Variants in ZDHHC13 observed in about 807,000 individuals in gnomAD.
The protein encoded by ZDHHC13 is zDHHC palmitoyltransferase 13, also known as palmitoyltransferase ZDHHC13.
ZDHHC13 carries 85 observed loss-of-function variants against 86.0 expected under a neutral mutation model. That is an observed-to-expected ratio of 0.99 (90% CI 0.83 to 1.18). The LOEUF is 1.18. ZDHHC13 is among the 50% of genes most tolerant of loss of function. The pLI is 0.00. For missense variants in ZDHHC13, 711 were observed against 730.2 expected, an observed-to-expected ratio of 0.97 and a Z score of 0.30; for synonymous variants, 263 against 246.4, an observed-to-expected ratio of 1.07 and a Z score of -0.63.
At chr11:19,143,295 G>C (rs1020296755) in intron 2 of ZDHHC13, among the ~76,000 whole-genome samples, 172 bp downstream of exon 2, 1 of 152,186 alleles carries the variant, frequency 6.6e-6, no homozygotes, top group African/African-American at 2.4e-5. Context: ...CAGTGTACCT[G>C]AGCTGTTTAT....
upstream of ZDHHC13, chr11:19,117,116 A>G (rs1848659823): frequency 8.4e-6 from 8 of 952,540 alleles, no homozygotes; most frequent in Admixed American, 2.1e-5. This position sits in a 1 kb window ranked among gnomAD's most constrained non-coding sequence, Gnocchi z 4.2. Context: ...GGCTCAGGGC[A>G]CGAGCGGGGA....
chr11:19,152,700 GTCTTTTC>G lies in ZDHHC13; in HGVS notation c.873+18_873+24del. 6.2e-7 allele frequency: 1 copy of G among 1,612,366 alleles called. No homozygotes were observed. On this transcript the variant is annotated intron_variant, in intron 8 of 16. Transcript: ENST00000446113. The stretch of plus-strand genomic sequence containing the variant: ...GAAATGCGAGGTATTTTCATATGGG[GTCTTTTC>G]TATGGGATAGATGACTTTTTTTGTT...
At chr11:19,151,787 A>G (rs528703721) in intron 6 of ZDHHC13, among the ~76,000 whole-genome samples, 1 of 152,216 alleles carries the variant, frequency 6.6e-6, no homozygotes, top group Admixed American at 6.5e-5. Flanking sequence ...CTCAACTAAG[A>G]CATACATTTA....
intron 1 of ZDHHC13, among the ~76,000 whole-genome samples, chr11:19,124,004 G>A (rs908762285): frequency 6.6e-6 from 1 of 152,124 alleles, no homozygotes; most frequent in Admixed American, 6.6e-5. Flanking sequence ...TGTTTAAAAT[G>A]CACGTTTTTT....
At chr11:19,139,010 T>G (rs866252398) in intron 1 of ZDHHC13, among the ~76,000 whole-genome samples, 1,971 of 151,076 alleles carry the variant, frequency 0.013, 49 homozygotes, top group African/African-American at 0.046. Flanking sequence ...GCACAAGACA[T>G]GGATGCCCTC....
chr11:19,119,248 C>A (rs972620063), intron 1 of ZDHHC13, among the ~76,000 whole-genome samples: 3 of 152,122 alleles, frequency 2.0e-5, no homozygotes, highest in Non-Finnish European at 4.4e-5. Flanking sequence ...GTAGCTGGAA[C>A]TATAGGTGCG....
intron 5 of ZDHHC13, among the ~76,000 whole-genome samples, chr11:19,149,557 T>G (rs1006600488): frequency 6.6e-6 from 1 of 152,238 alleles, no homozygotes; most frequent in Non-Finnish European, 1.5e-5. Flanking sequence ...TTTCTGAAAC[T>G]TGTAAGCTGG....
chr11:19,130,397 A>T (rs986203920), intron 1 of ZDHHC13, among the ~76,000 whole-genome samples: 1 of 151,970 alleles, frequency 6.6e-6, no homozygotes, highest in Non-Finnish European at 1.5e-5. Context: ...TTTTGGAGTG[A>T]TGTCTCTTTT....
intron 1 of ZDHHC13, among the ~76,000 whole-genome samples, chr11:19,141,675 C>CTTTTT (rs34963467): frequency 7.1e-6 from 1 of 140,376 alleles, no homozygotes; most frequent in Non-Finnish European, 1.5e-5. Context: ...TTTTTGTGGG[C>CTTTTT]TTTTTTTTTT....
At chr11:19,123,177 C>T (rs11604471) in intron 1 of ZDHHC13, among the ~76,000 whole-genome samples, 92,616 of 152,020 alleles carry the variant, frequency 0.61, 29,249 homozygotes, top group Admixed American at 0.7. Context: ...CAAATATTCT[C>T]AATTGTGGAT....
chr11:19,152,117 T>C, intron 6 of ZDHHC13, 41 bp from the exon 7 acceptor site: 1 of 1,590,936 alleles, frequency 6.3e-7, no homozygotes, highest in Non-Finnish European at 8.6e-7. Context: ...TAAGTCATCA[T>C]CTCTGTTAAT....
Position 19,117,370 on chromosome 11 carries a change from G to A in ZDHHC13, c.27+94G>A. The A allele has an allele frequency of 5.5e-6, 7 of 1,279,542 alleles. No homozygotes were observed. The highest frequency in any genetic ancestry group is 7.2e-6 in the Non-Finnish European group (7 of 976,830). The allele number at this position is 1,279,542 out of a possible 1,614,324, so 79.3% of individuals were successfully genotyped here. A position where few individuals can be genotyped will look rare whatever the true frequency, so the allele number is the denominator to read the frequency against. ...GTGTGGGTGAGAGGCCGCTCGATGAGGGGGTTTCGGGAGCGGCGGGGCCTA... is the reference window on the plus strand; with the variant it reads ...GTGTGGGTGAGAGGCCGCTCGATGAAGGGGTTTCGGGAGCGGCGGGGCCTA... On this transcript the variant is annotated intron_variant, in intron 1 of 16. Transcript: ENST00000446113. The surrounding 1 kb of genome is among the most constrained non-coding windows in gnomAD (Gnocchi z 4.2).
Position 19,165,033 on chromosome 11 carries a change from C to G in ZDHHC13, c.1297-19C>G. The stretch of plus-strand genomic sequence containing the variant: ...GAGACACTGGTTTTTGCTTAGGCCT[C>G]TCTTAATTGCCCACTTAGATAAGGA... On this transcript the variant is annotated intron_variant, in intron 12 of 16. Transcript: ENST00000446113. 1.2e-6 allele frequency: 2 copies of G among 1,607,956 alleles called. No individual in the cohort carries two copies. Among genetic ancestry groups the G allele is most frequent in the Admixed American group, 1.7e-5 (1 of 59,250 alleles).
chr11:19,120,723 C>G (rs956671383), intron 1 of ZDHHC13, among the ~76,000 whole-genome samples: 1 of 152,186 alleles, frequency 6.6e-6, no homozygotes, highest in African/African-American at 2.4e-5. Flanking sequence ...CTACATATTT[C>G]TTTCTTGGTA....
chr11:19,118,679 A>G (rs1208163005), intron 1 of ZDHHC13: 2 of 152,226 alleles, frequency 1.3e-5, no homozygotes, highest in Admixed American at 6.5e-5. Context: ...AAAGGTAGAG[A>G]GATCATTGTC....
intron 1 of ZDHHC13, among the ~76,000 whole-genome samples, chr11:19,141,821 T>TG (rs966277019): frequency 4.6e-4 from 70 of 152,178 alleles, no homozygotes; most frequent in Non-Finnish European, 8.8e-4. Flanking sequence ...GCTTGCCATG[T>TG]GCTGCTGCTT....
chr11:19,160,395 G>A (rs944953977), intron 10 of ZDHHC13, among the ~76,000 whole-genome samples: 13 of 151,676 alleles, frequency 8.6e-5, no homozygotes, highest in Non-Finnish European at 1.6e-4. Flanking sequence ...TATTATGATA[G>A]AAAAATACAT....
At position 19,140,809 on chromosome 11, in the gene ZDHHC13, T is replaced by C. The variant is rs569147365; in HGVS notation, c.28-2169T>C. ...GAAATCATCATTCTCAGTAAACTAT[T>C]GCAAGAACAAAAAACCAAACACTGC... On this transcript the variant is annotated intron_variant, in intron 1 of 16. Coordinates refer to ENST00000446113, the MANE Select transcript of ZDHHC13 (RefSeq NM_019028.3). 6.8e-3 allele frequency among the ~76,000 whole-genome samples: 1,031 copies of C among 151,296 alleles called. 9 individuals carry two copies. The highest frequency in any genetic ancestry group is 0.024 in the African/African-American group (972 of 41,186).
At chr11:19,133,406 C>CATAT (rs949753021) in intron 1 of ZDHHC13, among the ~76,000 whole-genome samples, 4 of 133,182 alleles carry the variant, frequency 3.0e-5, no homozygotes, top group East Asian at 4.7e-4. Flanking sequence ...CACACACACA[C>CATAT]ATATATATAT....
Sources: gnomAD v4.1 joint callset for allele counts (sites outside exome capture counted in the v4.1 genomes callset) on GRCh38, gnomAD v4.1.1 for gene constraint, Gnocchi (gnomAD v3.1) non-coding constraint, MANE v1.5 for transcripts, NCBI Gene and HGNC (gene_info 2026-07-23, HGNC 2026-07-21) for gene names.